The following PLCE1 variants were observed in gnomAD, a reference collection of about 807,000 sequenced individuals.
The protein encoded by PLCE1 is 1-phosphatidylinositol 4,5-bisphosphate phosphodiesterase epsilon-1.
Under a neutral mutation model 242.8 loss-of-function variants are expected in PLCE1, and 119 were observed. The ratio of observed to expected loss-of-function variants is 0.49; its 90% CI spans 0.42 to 0.57. The LOEUF (loss-of-function observed/expected upper bound fraction) is 0.57. Among genes scored for constraint, PLCE1 ranks in the 20% least tolerant of loss-of-function variants. PLCE1 has a pLI of 0.00. For synonymous variants in PLCE1, 945 were observed against 1,017.4 expected, an observed-to-expected ratio of 0.93 and a Z score of 1.35; for missense variants, 2,441 against 2,788.8, an observed-to-expected ratio of 0.88 and a Z score of 2.81.
chr10:94,258,977 G>C, intron 12 of PLCE1, 37 bp from the exon 13 acceptor site: 1 of 1,614,034 alleles, frequency 6.2e-7, no homozygotes, highest in Non-Finnish European at 8.5e-7. Flanking sequence ...TTTCTATAAA[G>C]ATACTCAATG....
intron 3 of PLCE1, among the ~76,000 whole-genome samples, chr10:94,147,609 G>C (rs1454208261): frequency 6.6e-6 from 1 of 152,180 alleles, no homozygotes; most frequent in Admixed American, 6.5e-5. Context: ...AGCGGAGGGG[G>C]CTGGATTGAA....
At chr10:94,198,136 C>A (rs2048883188) in intron 4 of PLCE1, among the ~76,000 whole-genome samples, 1 of 151,228 alleles carries the variant, frequency 6.6e-6, no homozygotes, top group Non-Finnish European at 1.5e-5. Flanking sequence ...AAGTCTTTGA[C>A]TATGAATGTA....
chr10:94,181,852 G>C (rs1017771908), intron 4 of PLCE1, among the ~76,000 whole-genome samples: 4 of 152,150 alleles, frequency 2.6e-5, no homozygotes, highest in Admixed American at 1.3e-4. Flanking sequence ...CAGGAATTGA[G>C]GCTGCAGTGA....
intron 3 of PLCE1, among the ~76,000 whole-genome samples, chr10:94,136,749 G>A (rs1047332245): frequency 2.0e-5 from 3 of 152,174 alleles, no homozygotes; most frequent in African/African-American, 7.2e-5. Flanking sequence ...TGCCTATAAA[G>A]CTGAAGGTTT....
At chr10:94,191,806 T>C (rs1050404610) in intron 4 of PLCE1, among the ~76,000 whole-genome samples, 1 of 152,212 alleles carries the variant, frequency 6.6e-6, no homozygotes, top group African/African-American at 2.4e-5. Context: ...TCCAGTTATT[T>C]CATCTCAGCC....
chr10:94,138,006 C>A, intron 3 of PLCE1: 1 of 379,766 alleles, frequency 2.6e-6, no homozygotes, highest in Non-Finnish European at 5.2e-6. Context: ...AGCCAGCAGG[C>A]ACAGAGATTC....
intron 7 of PLCE1, among the ~76,000 whole-genome samples, chr10:94,238,250 G>C (rs910650006): frequency 6.6e-6 from 1 of 152,208 alleles, no homozygotes; most frequent in African/African-American, 2.4e-5. Context: ...GTGAAACCTT[G>C]TCTCTACAAC....
chr10:94,080,717 T>A (rs75088389), intron 2 of PLCE1, among the ~76,000 whole-genome samples: 4 of 152,218 alleles, frequency 2.6e-5, no homozygotes, highest in African/African-American at 9.6e-5. Flanking sequence ...AACAGAGTTA[T>A]CCAGGCACTT....
intron 7 of PLCE1, among the ~76,000 whole-genome samples, chr10:94,245,732 C>T (rs1009096778): frequency 6.6e-6 from 1 of 152,156 alleles, no homozygotes; most frequent in African/African-American, 2.4e-5. Context: ...AGTGGTCCAC[C>T]CTCAGCCTCC....
intron 22 of PLCE1, among the ~76,000 whole-genome samples, chr10:94,288,332 A>G (rs1179284806): frequency 3.3e-5 from 5 of 152,202 alleles, no homozygotes; most frequent in Non-Finnish European, 7.3e-5. Flanking sequence ...AAAATTATTC[A>G]GTGGTGACAA....
intron 2 of PLCE1, among the ~76,000 whole-genome samples, chr10:94,080,499 C>A (rs2044625238): frequency 6.6e-6 from 1 of 152,204 alleles, no homozygotes; most frequent in Non-Finnish European, 1.5e-5. Context: ...CATTTCAGTG[C>A]AATGACTATT....
intron 3 of PLCE1, among the ~76,000 whole-genome samples, chr10:94,143,348 A>G (rs1219891017): frequency 2.0e-5 from 3 of 152,226 alleles, no homozygotes; most frequent in Non-Finnish European, 2.9e-5. Flanking sequence ...TAAAATTTGT[A>G]TATTTTAATG....
Position 94,306,291 on chromosome 10 carries a change from A to G in PLCE1, c.5623-136A>G, listed in dbSNP as rs2053202991. The G allele has an allele frequency of 6.7e-7, 1 of 1,488,002 alleles. No individual in the cohort carries two copies. Among genetic ancestry groups the G allele is most frequent in the African/African-American group, 1.4e-5 (1 of 72,400 alleles). The allele number at this position is 1,488,002 out of a possible 1,614,324, so 92.2% of individuals were successfully genotyped here. On this transcript the variant is annotated intron_variant, in intron 25 of 32. Transcript: ENST00000371380. This position sits in a 1 kb window ranked among gnomAD's most constrained non-coding sequence, Gnocchi z 5.7. ...AGCCCTACAATCACTTACTTTTTAA[A>G]CAGTTTTATTCATCATTCACTTTGT...
At chr10:94,185,170 G>A (rs1036159604) in intron 4 of PLCE1, among the ~76,000 whole-genome samples, 1 of 152,206 alleles carries the variant, frequency 6.6e-6, no homozygotes, top group African/African-American at 2.4e-5. Flanking sequence ...AGTGCCATGA[G>A]TTAGTAGAAA....
At chr10:94,051,411 T>C (rs1328068018) in intron 2 of PLCE1, among the ~76,000 whole-genome samples, 1 of 151,802 alleles carries the variant, frequency 6.6e-6, no homozygotes, top group Non-Finnish European at 1.5e-5. Context: ...GCTGCTCTGG[T>C]CTAGTTAGAT....
At chr10:94,105,457 C>G (rs1169053921) in intron 2 of PLCE1, 1 of 152,264 alleles carries the variant, frequency 6.6e-6, no homozygotes, top group Non-Finnish European at 1.5e-5. Context: ...CTCACCCAAA[C>G]AATACATTGA....
chr10:94,030,404 C>T (rs933354841), intron 1 of PLCE1, among the ~76,000 whole-genome samples: 1 of 151,396 alleles, frequency 6.6e-6, no homozygotes, highest in African/African-American at 2.4e-5. Context: ...GTCTGTGTTG[C>T]TCGTTGTTCA....
Position 94,234,084 on chromosome 10 carries a change from C to T in PLCE1, c.1986C>T (p.Phe662=). The T allele has an allele frequency of 6.2e-7, 1 of 1,613,872 alleles. No homozygotes were observed. The change falls in exon 6 of 33, where the codon TTC becomes TTT. Residue 662 remains phenylalanine (F), a synonymous_variant. Transcript: ENST00000371380. ...GAAAAGTTTTAAAAATGTGGCAGTT[C>T]ATGGACCAGTCTGATATTGAGACCA... ...RSRKVLKMWQ[F]MDQSDIETMR...
chr10:94,248,493 G>A (rs2050765879), intron 8 of PLCE1, among the ~76,000 whole-genome samples: 1 of 152,138 alleles, frequency 6.6e-6, no homozygotes, highest in Non-Finnish European at 1.5e-5. Context: ...ATGAGGCTGA[G>A]GCAGGAGAAT....
Sources: allele counts gnomAD v4.1 joint callset (sites outside exome capture counted in the v4.1 genomes callset), GRCh38; gene constraint gnomAD v4.1.1; non-coding constraint Gnocchi (gnomAD v3.1); transcripts MANE v1.5; gene names NCBI Gene and HGNC (gene_info 2026-07-23, HGNC 2026-07-21).